Variants in DNAH17 observed in about 807,000 individuals in gnomAD.
DNAH17 encodes the protein axonemal beta dynein heavy chain 17.
Under a neutral mutation model 485.6 loss-of-function variants are expected in DNAH17, and 376 were observed. That is an observed-to-expected ratio of 0.77 (90% CI 0.71 to 0.84). The LOEUF (loss-of-function observed/expected upper bound fraction) is 0.84, where lower values mean the gene tolerates loss of function less well. Ranked by LOEUF, DNAH17 falls within the 40% of genes least tolerant of loss-of-function variation. DNAH17 has a pLI of 0.00. For synonymous variants in DNAH17, 3,031 were observed against 2,405.9 expected (o/e 1.26, Z -7.60); for missense variants, 6,370 against 5,839.3 (o/e 1.09, Z -2.96).
intron 12 of DNAH17, 105 bp from the exon 13 acceptor site, chr17:78,561,040 C>T: frequency 9.4e-7 from 1 of 1,064,486 alleles, no homozygotes; most frequent in Non-Finnish European, 1.3e-6. Context: ...AGCGGCCGGC[C>T]ACCCAATTAC....
intron 5 of DNAH17, 107 bp from the exon 6 acceptor site, chr17:78,571,140 C>A (rs1212649599): frequency 4.7e-6 from 6 of 1,288,010 alleles, no homozygotes; most frequent in East Asian, 2.5e-5. Context: ...GGAAATGGGG[C>A]CTTTCTCAAG....
intron 79 of DNAH17, among the ~76,000 whole-genome samples, chr17:78,425,825 G>T (rs1282647321): frequency 6.8e-6 from 1 of 147,596 alleles, no homozygotes; most frequent in Non-Finnish European, 1.5e-5. Flanking sequence ...GAGTGCAGTG[G>T]TGCAATCTTG....
At chr17:78,484,095 C>CAAAAAAAAAAAAA (rs11290299) in intron 48 of DNAH17, among the ~76,000 whole-genome samples, 1 of 38,352 alleles carries the variant, frequency 2.6e-5, no homozygotes, top group African/African-American at 1.2e-4. Context: ...GATTTCTCCT[C>CAAAAAAAAAAAAA]AAAAAAAAAA....
Position 78,437,821 on chromosome 17 carries a change from C to G in DNAH17, c.11853G>C (p.Leu3951=), listed in dbSNP as rs765161498. 243 of 1,611,998 alleles carry G rather than the reference C, an allele frequency of 1.5e-4. No homozygotes were observed. Among genetic ancestry groups the G allele is most frequent in the Non-Finnish European group, 2.0e-4 (232 of 1,179,532 alleles). The change falls in exon 74 of 81, where the codon CTG becomes CTC. Residue 3951 remains leucine (L), a synonymous_variant. Coordinates refer to ENST00000389840, the MANE Select transcript of DNAH17 (RefSeq NM_173628.4). ...ARWLGTLDKK[L]EHYSTGSHED... is the part of the protein sequence containing the mutation. The stretch of plus-strand genomic sequence containing the variant: ...CATGGCTGCCCGTGCTGTAGTGCTC[C>G]AGCTTCTTGTCCAGTGTTCCCAGCC...
chr17:78,532,101 AG>A (rs2143320599), intron 20 of DNAH17, among the ~76,000 whole-genome samples: 1 of 152,296 alleles, frequency 6.6e-6, no homozygotes, highest in East Asian at 1.9e-4. Context: ...CCCTGAGGTC[AG>A]GTACCAGACA....
intron 17 of DNAH17, among the ~76,000 whole-genome samples, chr17:78,541,728 C>A (rs933404749): frequency 6.6e-6 from 1 of 152,086 alleles, no homozygotes; most frequent in African/African-American, 2.4e-5. Context: ...CCTGCCTCCT[C>A]GCCTGCCCTC....
At chr17:78,485,529 G>A (rs2089565133) in intron 47 of DNAH17, 21 bp downstream of exon 47, 4 of 1,558,094 alleles carry the variant, frequency 2.6e-6, no homozygotes, top group East Asian at 4.8e-5. Context: ...GGTAGGCAGG[G>A]CGTGGCCGGA....
At chr17:78,512,984 C>G (rs2090676305) in intron 26 of DNAH17, among the ~76,000 whole-genome samples, 1 of 149,572 alleles carries the variant, frequency 6.7e-6, no homozygotes, top group Non-Finnish European at 1.5e-5. Context: ...GAGACAGCTT[C>G]AGCCCCTTAT....
chr17:78,479,723 C>G, intron 49 of DNAH17, 91 bp from the exon 50 acceptor site: 2 of 1,561,792 alleles, frequency 1.3e-6, no homozygotes, highest in Non-Finnish European at 1.7e-6. Flanking sequence ...GGCCCCTGTC[C>G]TCATGTTCTA....
At chr17:78,553,872 T>A (rs140774155) in intron 14 of DNAH17, among the ~76,000 whole-genome samples, 48 of 152,366 alleles carry the variant, frequency 3.2e-4, no homozygotes, top group African/African-American at 1.2e-3. Context: ...GTACTTGATT[T>A]CTTTTTGTGA....
intron 16 of DNAH17, 45 bp downstream of exon 16, chr17:78,551,490 C>A (rs2091900387): frequency 2.5e-6 from 4 of 1,590,306 alleles, no homozygotes; most frequent in Non-Finnish European, 3.5e-6. Context: ...CAGGGCAGCC[C>A]CAGGCCCCCA....
At chr17:78,439,319 G>T in intron 72 of DNAH17, 102 bp from the exon 73 acceptor site, 1 of 1,363,358 alleles carries the variant, frequency 7.3e-7, no homozygotes, top group Admixed American at 2.5e-5. Flanking sequence ...CCCTCATTTA[G>T]TTTCGGTGGT....
intron 19 of DNAH17, among the ~76,000 whole-genome samples, chr17:78,535,096 G>C (rs2091340146): frequency 6.6e-6 from 1 of 152,170 alleles, no homozygotes; most frequent in Admixed American, 6.5e-5. Flanking sequence ...TTCTGCCTGA[G>C]CGTCCCAGGG....
intron 51 of DNAH17, 133 bp from the exon 52 acceptor site, chr17:78,476,866 A>T: frequency 9.0e-7 from 1 of 1,110,144 alleles, no homozygotes; most frequent in Non-Finnish European, 1.2e-6. Flanking sequence ...CACAGCATTC[A>T]CTTGGGGCCA....
intron 42 of DNAH17, 134 bp from the exon 43 acceptor site, chr17:78,491,704 G>A (rs2089865971): frequency 2.2e-6 from 3 of 1,376,784 alleles, no homozygotes; most frequent in Non-Finnish European, 2.9e-6. Flanking sequence ...AGGCCCTCGG[G>A]CATGAGGTGC....
intron 61 of DNAH17, 99 bp downstream of exon 61, chr17:78,458,902 C>G: frequency 7.5e-7 from 1 of 1,333,460 alleles, no homozygotes; most frequent in Non-Finnish European, 1.1e-6. Flanking sequence ...TAATTCATGA[C>G]GGCGGGCCGT....
chr17:78,469,589 A>AG (rs1268085654), intron 54 of DNAH17, among the ~76,000 whole-genome samples: 1 of 152,164 alleles, frequency 6.6e-6, no homozygotes, highest in Non-Finnish European at 1.5e-5. Context: ...GTCTCTAAGG[A>AG]AAAGAATAAA....
At chr17:78,560,630 G>C (rs539029185) in intron 13 of DNAH17, 110 bp downstream of exon 13, 3 of 1,206,696 alleles carry the variant, frequency 2.5e-6, no homozygotes, top group African/African-American at 3.1e-5. Flanking sequence ...AGCTTTAGGC[G>C]AACTGTGATA....
chr17:78,570,138 G>T, intron 7 of DNAH17, 109 bp downstream of exon 7: 3 of 1,280,186 alleles, frequency 2.3e-6, no homozygotes, highest in Non-Finnish European at 3.2e-6. Flanking sequence ...CTGACATCTT[G>T]GCCTGCTTTC....
Sources: gnomAD v4.1 joint callset for allele counts (sites outside exome capture counted in the v4.1 genomes callset) on GRCh38, gnomAD v4.1.1 for gene constraint, MANE v1.5 for transcripts, NCBI Gene and HGNC (gene_info 2026-07-23, HGNC 2026-07-21) for gene names.